The following SGCD variants were observed in gnomAD, a reference collection of about 807,000 sequenced individuals.
SGCD encodes the protein delta-sarcoglycan.
SGCD carries 18 observed loss-of-function variants against 36.6 expected under a neutral mutation model. The observed-to-expected ratio is 0.49, with a 90% CI of 0.34 to 0.73. The LOEUF is 0.73. Among genes scored for constraint, SGCD ranks in the 30% least tolerant of loss-of-function variants. The pLI is 0.01. For missense variants in SGCD, 387 were observed against 346.7 expected, an observed-to-expected ratio of 1.12 and a Z score of -0.92; for synonymous variants, 133 against 130.6, an observed-to-expected ratio of 1.02 and a Z score of -0.12.
chr5:156,565,419 G>C (rs1759437021), intron 4 of SGCD, among the ~76,000 whole-genome samples: 1 of 151,972 alleles, frequency 6.6e-6, no homozygotes, highest in Non-Finnish European at 1.5e-5. Context: ...TCATATCATA[G>C]ACCTGTCCAT....
chr5:155,764,817 C>T, the SGCD span, among the ~76,000 whole-genome samples: 1 of 152,130 alleles, frequency 6.6e-6, no homozygotes, highest in African/African-American at 2.4e-5. Flanking sequence ...CATGCTAAGA[C>T]CATGATAAGA....
intron 3 of SGCD, among the ~76,000 whole-genome samples, chr5:156,471,866 TATAC>T (rs570054933): frequency 1.3e-5 from 2 of 150,880 alleles, no homozygotes; most frequent in Non-Finnish European, 2.9e-5. Flanking sequence ...AGAGAAAAAA[TATAC>T]ATACACAACG....
At chr5:155,737,465 T>C in the SGCD span, among the ~76,000 whole-genome samples, 4 of 152,258 alleles carry the variant, frequency 2.6e-5, no homozygotes, top group Non-Finnish European at 5.9e-5. Context: ...TATAGTCTGA[T>C]ACTTTCCATT....
the SGCD span, among the ~76,000 whole-genome samples, chr5:155,738,282 A>G: frequency 6.6e-6 from 1 of 152,230 alleles, no homozygotes. Flanking sequence ...GCCTAACAAT[A>G]CAAAATGGTA....
chr5:156,104,706 T>C (rs1186228454), intron 1 of SGCD, among the ~76,000 whole-genome samples: 1 of 152,130 alleles, frequency 6.6e-6, no homozygotes, highest in East Asian at 1.9e-4. Flanking sequence ...CTGCTGGGAG[T>C]AACAAGTACT....
At chr5:155,945,447 G>A (rs2113419218) in intron 1 of SGCD, among the ~76,000 whole-genome samples, 2 of 152,334 alleles carry the variant, frequency 1.3e-5, no homozygotes, top group East Asian at 1.9e-4. Flanking sequence ...GATTTACAGT[G>A]TAATGGGGAA....
the SGCD span, among the ~76,000 whole-genome samples, chr5:155,769,302 G>T: frequency 6.6e-6 from 1 of 151,716 alleles, no homozygotes; most frequent in African/African-American, 2.4e-5. Context: ...GTGATTGAAA[G>T]GAAATTTCAC....
At chr5:156,058,259 T>C (rs1760109516) in intron 1 of SGCD, among the ~76,000 whole-genome samples, 1 of 146,362 alleles carries the variant, frequency 6.8e-6, no homozygotes, top group Non-Finnish European at 1.5e-5. Context: ...GGGATTAAAT[T>C]AGTAACATTC....
At chr5:155,955,025 G>T (rs1458013315) in intron 1 of SGCD, among the ~76,000 whole-genome samples, 2 of 152,150 alleles carry the variant, frequency 1.3e-5, no homozygotes, top group Non-Finnish European at 2.9e-5. Flanking sequence ...CAAGCTGCCA[G>T]GAAGGAGGCG....
At chr5:156,596,570 T>G (rs1004493605) in intron 6 of SGCD, among the ~76,000 whole-genome samples, 2 of 152,206 alleles carry the variant, frequency 1.3e-5, no homozygotes, top group Non-Finnish European at 2.9e-5. Context: ...TCTGCATTAT[T>G]ATTTGCACTT....
intron 6 of SGCD, among the ~76,000 whole-genome samples, chr5:156,642,455 A>G (rs1763062774): frequency 7.0e-6 from 1 of 142,712 alleles, no homozygotes; most frequent in African/African-American, 2.7e-5. Flanking sequence ...GCCTAGCAGC[A>G]TCAGTCTTTT....
chr5:156,432,688 T>C (rs1753075288), intron 3 of SGCD, among the ~76,000 whole-genome samples: 1 of 152,068 alleles, frequency 6.6e-6, no homozygotes, highest in Non-Finnish European at 1.5e-5. Flanking sequence ...GGGGTAATGT[T>C]CCACAGGGGA....
intron 1 of SGCD, among the ~76,000 whole-genome samples, chr5:156,059,635 T>A (rs1282594161): frequency 6.8e-6 from 1 of 146,368 alleles, no homozygotes; most frequent in East Asian, 1.9e-4. Flanking sequence ...TCCTGCTCTG[T>A]GACTTAGCTG....
At position 155,901,178 on chromosome 5, in the gene SGCD, G is replaced by C. The variant is rs375142216; in HGVS notation, c.-282+30754G>C. Among the ~76,000 whole-genome samples, 8 of 152,058 alleles carry C rather than the reference G, an allele frequency of 5.3e-5. No individual in the cohort carries two copies. In the South Asian group the frequency reaches 1.7e-3, roughly 32 times the overall value. ...ATACAAAAAATTAGCCGGCGGTGGT[G>C]GTGGGTGCCTGTAATCCCAGCTACT... On this transcript the variant is annotated intron_variant, in intron 1 of 9. Coordinates refer to the SGCD transcript ENST00000517913.
At chr5:156,050,022 T>C (rs1426750805) in intron 1 of SGCD, among the ~76,000 whole-genome samples, 1 of 147,088 alleles carries the variant, frequency 6.8e-6, no homozygotes, top group Non-Finnish European at 1.5e-5. Flanking sequence ...GCTATGAACA[T>C]TGTTGAAATG....
At chr5:156,483,884 A>T (rs918856392) in intron 3 of SGCD, among the ~76,000 whole-genome samples, 1 of 152,222 alleles carries the variant, frequency 6.6e-6, no homozygotes, top group African/African-American at 2.4e-5. Context: ...ACTGAGCTAA[A>T]TCGAGATGAA....
the SGCD span, among the ~76,000 whole-genome samples, chr5:155,781,929 A>T: frequency 6.6e-6 from 1 of 152,142 alleles, no homozygotes. Flanking sequence ...TTTGTCTTGA[A>T]ACAGGGGTCT....
intron 3 of SGCD, among the ~76,000 whole-genome samples, chr5:156,135,952 G>A (rs770692245): frequency 5.9e-5 from 9 of 152,006 alleles, no homozygotes; most frequent in South Asian, 4.2e-4. Flanking sequence ...CATTATTAGC[G>A]GTGTAACAAA....
chr5:156,317,391 C>T (rs1018629291), intron 3 of SGCD, among the ~76,000 whole-genome samples: 1 of 152,114 alleles, frequency 6.6e-6, no homozygotes, highest in African/African-American at 2.4e-5. Flanking sequence ...ACAGGATCTT[C>T]TGATGAAGAA....
Sources: gnomAD v4.1 joint callset for allele counts (sites outside exome capture counted in the v4.1 genomes callset) on GRCh38, gnomAD v4.1.1 for gene constraint, MANE v1.5 for transcripts, NCBI Gene and HGNC (gene_info 2026-07-23, HGNC 2026-07-21) for gene names.